Variants in INTU observed in about 807,000 individuals in gnomAD.
INTU encodes the protein inturned planar cell polarity protein, also known as protein inturned.
In INTU, 68 loss-of-function variants were observed where a neutral mutation model predicts 100.5. That is an observed-to-expected ratio of 0.68 (90% CI 0.56 to 0.83). INTU has a LOEUF of 0.83. Ranked by LOEUF, INTU falls within the 40% of genes least tolerant of loss-of-function variation. The pLI is 0.00. For missense variants in INTU, 1,071 were observed against 1,114.7 expected (o/e 0.96, Z 0.56); for synonymous variants, 357 against 395.7 (o/e 0.90, Z 1.16).
At chr4:127,651,628 A>G (rs1727883152) in intron 2 of INTU, among the ~76,000 whole-genome samples, 1 of 152,098 alleles carries the variant, frequency 6.6e-6, no homozygotes, top group African/African-American at 2.4e-5. Context: ...GTAGCCTTGT[A>G]GTATAGTTTG....
intron 1 of INTU, among the ~76,000 whole-genome samples, chr4:127,642,117 T>C (rs996466568): frequency 7.9e-5 from 12 of 152,190 alleles, no homozygotes; most frequent in African/African-American, 2.9e-4. Flanking sequence ...GCTTTGTTAC[T>C]AAATGATTAT....
chr4:127,683,543 A>G (rs1729679261), intron 6 of INTU, among the ~76,000 whole-genome samples: 1 of 152,172 alleles, frequency 6.6e-6, no homozygotes, highest in Non-Finnish European at 1.5e-5. Context: ...CGTCCATCTC[A>G]GTGCCATAGA....
At chr4:127,671,369 C>T (rs1284015663) in intron 5 of INTU, among the ~76,000 whole-genome samples, 7 of 152,038 alleles carry the variant, frequency 4.6e-5, no homozygotes, top group Non-Finnish European at 7.4e-5. Context: ...AAAAAATGCT[C>T]ATCACTAATC....
At position 127,643,863 on chromosome 4, in the gene INTU, T is replaced by G; in HGVS notation, c.489T>G (p.Val163=). The G allele has an allele frequency of 6.2e-7, 1 of 1,614,122 alleles. No homozygotes were observed. The highest frequency in any genetic ancestry group is 1.3e-5 in the African/African-American group (1 of 75,020). ...IVQQRYKDVN[V]YVNPKKLTVI... ...AACAGCGATACAAAGATGTGAATGT[T>G]TATGTAAACCCCAAAAAGCTAACTG... is the stretch of plus-strand genomic sequence containing the variant. Residue 163 remains valine (V), a synonymous_variant, in exon 2 of 16, where the codon GTT becomes GTG. Transcript: ENST00000335251.
chr4:127,672,886 C>T (rs1161576353), intron 5 of INTU, among the ~76,000 whole-genome samples: 1 of 152,118 alleles, frequency 6.6e-6, no homozygotes, highest in Non-Finnish European at 1.5e-5. Flanking sequence ...ATTTTTAAAA[C>T]TTCACTGAAG....
rs1454809661 is a variant in INTU at position 127,723,335 on chromosome 4, A to G, written c.*6899A>G. 7.1e-6 allele frequency: 1 copy of G among 141,542 alleles called. No homozygotes were observed. The highest frequency in any genetic ancestry group is 2.7e-5 in the African/African-American group (1 of 37,354). 8.8% of individuals were successfully genotyped at this position (141,542 alleles called of 1,614,324 possible). ...CACAGTTTTCTTCCTTCTTGGTGGG[A>G]GCTGCAGAGCAGAGCTGCCTCTCTT... On this transcript the variant is annotated 3_prime_UTR_variant, in exon 16 of 16. Transcript: ENST00000335251.
rs1260882333 is a variant in INTU, at chr4:127,719,488, T to C, written c.*3052T>C. 1 of 152,224 alleles carries C rather than the reference T, an allele frequency of 6.6e-6. No individual in the cohort carries two copies. Among genetic ancestry groups the C allele is most frequent in the Non-Finnish European group, 1.5e-5 (1 of 68,038 alleles). The allele number at this position is 152,224 out of a possible 1,614,324, so 9.4% of individuals were successfully genotyped here. A position where few individuals can be genotyped will look rare whatever the true frequency, so the allele number is the denominator to read the frequency against. ...CCAGGTTTTGATATCAGGATGATGC[T>C]GGCCTTATAGAATGAGTTAGGGAGG... On this transcript the variant is annotated 3_prime_UTR_variant, in exon 16 of 16. Coordinates refer to ENST00000335251, the MANE Select transcript of INTU (RefSeq NM_015693.4).
At position 127,716,391 on chromosome 4, in the gene INTU, T is replaced by C. The variant is rs764229049; in HGVS notation, c.2784T>C (p.Ile928=). ...YVCFHDSVTE[I]AIEIAFKLFF... Reference sequence around the variant, plus strand: ...GTTTTCATGACTCAGTCACAGAAATTGCCATTGAAATAGCTTTTAAATTGT... The same window carrying C: ...GTTTTCATGACTCAGTCACAGAAATCGCCATTGAAATAGCTTTTAAATTGT... The change falls in exon 16 of 16, where the codon ATT becomes ATC. Residue 928 remains isoleucine, a synonymous_variant. Coordinates refer to ENST00000335251, the MANE Select transcript of INTU (RefSeq NM_015693.4). The C allele has an allele frequency of 6.3e-7, 1 of 1,592,762 alleles. No homozygotes were observed. The highest frequency in any genetic ancestry group is 1.8e-5 in the Admixed American group (1 of 56,432).
intron 6 of INTU, among the ~76,000 whole-genome samples, chr4:127,677,935 C>G (rs529586548): frequency 6.6e-6 from 1 of 152,086 alleles, no homozygotes; most frequent in African/African-American, 2.4e-5. Flanking sequence ...AGCCAAGGCT[C>G]GAGAACTACG....
chr4:127,678,632 G>A (rs1479638327), intron 6 of INTU, among the ~76,000 whole-genome samples: 7 of 151,982 alleles, frequency 4.6e-5, no homozygotes, highest in African/African-American at 7.2e-5. Flanking sequence ...AACTGGTACC[G>A]GCCACTGCAA....
At chr4:127,654,916 T>C (rs1225367672) in intron 2 of INTU, among the ~76,000 whole-genome samples, 94 of 144,678 alleles carry the variant, frequency 6.5e-4, no homozygotes, top group Non-Finnish European at 1.2e-3. Context: ...GAGGCTTTGC[T>C]CATTTCTTTT....
intron 2 of INTU, among the ~76,000 whole-genome samples, chr4:127,652,179 A>C (rs1385729905): frequency 4.8e-5 from 6 of 125,158 alleles, no homozygotes; most frequent in Non-Finnish European, 8.2e-5. Flanking sequence ...GGACAATTTG[A>C]CTTCCTCTTT....
At chr4:127,659,059 A>C (rs533742425) in intron 3 of INTU, among the ~76,000 whole-genome samples, 6 of 152,240 alleles carry the variant, frequency 3.9e-5, no homozygotes, top group Admixed American at 3.9e-4. Context: ...TCCTGGGAGA[A>C]TCTAATGTCA....
intron 2 of INTU, 138 bp from the exon 3 acceptor site, chr4:127,656,498 G>C (rs958902751): frequency 2.3e-5 from 14 of 597,182 alleles, no homozygotes; most frequent in Non-Finnish European, 3.4e-5. Flanking sequence ...TATAAACCTG[G>C]ACAAGTTCCT....
chr4:127,702,779 C>T (rs1179142403), intron 9 of INTU, among the ~76,000 whole-genome samples: 1 of 151,896 alleles, frequency 6.6e-6, no homozygotes, highest in Non-Finnish European at 1.5e-5. Context: ...TCTTCTGTCC[C>T]CTTTGGAGTC....
chr4:127,684,029 T>G (rs564779760), intron 6 of INTU: 1 of 157,976 alleles, frequency 6.3e-6, no homozygotes. Context: ...TGTCAAGAAT[T>G]TAGAATTTCT....
At chr4:127,647,129 G>A (rs770623380) in intron 2 of INTU, among the ~76,000 whole-genome samples, 28 of 152,018 alleles carry the variant, frequency 1.8e-4, no homozygotes, top group African/African-American at 6.3e-4. Context: ...TTTAGCATTC[G>A]TGATTCCTTT....
At chr4:127,656,871 C>A in intron 3 of INTU, 150 bp downstream of exon 3, 1 of 454,158 alleles carries the variant, frequency 2.2e-6, no homozygotes, top group Non-Finnish European at 3.9e-6. Context: ...AAATTTAGCT[C>A]TTGCTAATAT....
Position 127,724,300 on chromosome 4 carries a change from A to G in INTU, c.*7864A>G, listed in dbSNP as rs1731388198. 1 of 152,016 alleles carries G rather than the reference A, an allele frequency of 6.6e-6. No homozygotes were observed. Among genetic ancestry groups the G allele is most frequent in the South Asian group, 2.1e-4 (1 of 4,820 alleles). The allele number at this position is 152,016 out of a possible 1,614,324, so 9.4% of individuals were successfully genotyped here. ...CTGGGCGTGGTGGTGTGCACCTGTAATCCTAGCTACCTAGGAGGCTGAGGC... is the reference window on the plus strand; with the variant it reads ...CTGGGCGTGGTGGTGTGCACCTGTAGTCCTAGCTACCTAGGAGGCTGAGGC... On this transcript the variant is annotated 3_prime_UTR_variant, in exon 16 of 16. Transcript: ENST00000335251.
Sources: allele counts gnomAD v4.1 joint callset (sites outside exome capture counted in the v4.1 genomes callset), GRCh38; gene constraint gnomAD v4.1.1; transcripts MANE v1.5; gene names NCBI Gene and HGNC (gene_info 2026-07-23, HGNC 2026-07-21).